Variants in SUPT3H observed in about 807,000 individuals in gnomAD.
The protein encoded by SUPT3H is SPT3 homolog, SAGA and STAGA complex component, also known as transcription initiation protein SPT3 homolog.
A neutral mutation model predicts 44.3 loss-of-function variants in SUPT3H; 44 were observed. The ratio of observed to expected loss-of-function variants is 0.99; its 90% confidence interval spans 0.78 to 1.28. SUPT3H has a LOEUF of 1.28. Ranked by LOEUF, SUPT3H falls within the 50% of genes most tolerant of loss-of-function variation. The pLI is 0.00. For missense variants in SUPT3H, 380 were observed against 387.1 expected, an observed-to-expected ratio of 0.98 and a Z score of 0.15; for synonymous variants, 124 against 125.6, an observed-to-expected ratio of 0.99 and a Z score of 0.09.
At chr6:45,345,392 C>T (rs1218233239) in intron 2 of SUPT3H, among the ~76,000 whole-genome samples, 3 of 152,100 alleles carry the variant, frequency 2.0e-5, no homozygotes, top group Non-Finnish European at 4.4e-5. Context: ...TTTTGTATCT[C>T]TATTCCTTTC....
At chr6:44,941,076 T>C (rs150577649) in intron 9 of SUPT3H, among the ~76,000 whole-genome samples, 2 of 152,296 alleles carry the variant, frequency 1.3e-5, no homozygotes, top group East Asian at 1.9e-4. Flanking sequence ...TTAATATTGA[T>C]AAGTGAGGTT....
chr6:45,018,609 T>G (rs1784655092), intron 4 of SUPT3H, among the ~76,000 whole-genome samples: 1 of 151,960 alleles, frequency 6.6e-6, no homozygotes, highest in African/African-American at 2.4e-5. Flanking sequence ...GATAATCATG[T>G]GGTTTTTGTC....
At position 45,151,396 on chromosome 6, in the gene SUPT3H, C is replaced by T. The variant is rs1197494629; in HGVS notation, c.102-45390G>A. Among the ~76,000 whole-genome samples the T allele has an allele frequency of 2.0e-5, 3 of 152,150 alleles. No homozygotes were observed. In the East Asian group the frequency reaches 5.8e-4, roughly 29 times the overall value. The stretch of plus-strand genomic sequence containing the variant: ...TTCAAAAAGATTGAAAGCCCATATA[C>T]CACCATATATAGCACTCATATTGAC... On this transcript the variant is annotated intron_variant, in intron 2 of 10. Coordinates refer to ENST00000371459, the MANE Select transcript of SUPT3H (RefSeq NM_003599.4).
At chr6:45,182,322 G>A (rs562601061) in intron 2 of SUPT3H, among the ~76,000 whole-genome samples, 1 of 152,090 alleles carries the variant, frequency 6.6e-6, no homozygotes, top group African/African-American at 2.4e-5. Context: ...GTGTAGTGGC[G>A]CAATCTCGAC....
At chr6:45,283,345 C>T (rs1156481082) in intron 2 of SUPT3H, among the ~76,000 whole-genome samples, 1 of 152,132 alleles carries the variant, frequency 6.6e-6, no homozygotes, top group Non-Finnish European at 1.5e-5. Context: ...AAACCCACCT[C>T]ACGTGCAGAG....
In SUPT3H at chr6:45,069,661, T is replaced by C. The variant is rs149130455; in HGVS notation, c.186+36261A>G. Among the ~76,000 whole-genome samples, 585 of 152,272 alleles carry C rather than the reference T, an allele frequency of 3.8e-3. 3 individuals carry two copies. The highest frequency in any genetic ancestry group is 6.5e-3 in the Non-Finnish European group (440 of 68,026). On this transcript the variant is annotated intron_variant, in intron 3 of 10. Transcript: ENST00000371459. The stretch of plus-strand genomic sequence containing the variant: ...TAAAAGATTAACTGCTTAAGCATTA[T>C]ACTAAAAATAATCTGAAATATATGA...
At chr6:45,125,354 T>C (rs758678943) in intron 2 of SUPT3H, among the ~76,000 whole-genome samples, 18 of 152,228 alleles carry the variant, frequency 1.2e-4, no homozygotes, top group Non-Finnish European at 2.5e-4. Flanking sequence ...CTATGCATGA[T>C]ATGACTACCA....
intron 10 of SUPT3H, among the ~76,000 whole-genome samples, chr6:44,913,381 G>A (rs528683676): frequency 6.6e-6 from 1 of 152,258 alleles, no homozygotes; most frequent in East Asian, 1.9e-4. Context: ...AACATGTGAA[G>A]CCCCATCTTC....
chr6:44,967,893 G>C (rs1404444919), intron 6 of SUPT3H, among the ~76,000 whole-genome samples: 2 of 152,050 alleles, frequency 1.3e-5, no homozygotes, highest in Non-Finnish European at 2.9e-5. Context: ...CAGTTTAAGT[G>C]AGCCTCCTGC....
chr6:44,911,144 C>T (rs1385261800), intron 10 of SUPT3H, among the ~76,000 whole-genome samples: 2 of 151,440 alleles, frequency 1.3e-5, no homozygotes, highest in African/African-American at 4.9e-5. Flanking sequence ...TATCAAGTAA[C>T]TATTGATAGC....
chr6:44,917,040 G>A (rs144889069), intron 10 of SUPT3H, among the ~76,000 whole-genome samples: 71 of 152,224 alleles, frequency 4.7e-4, no homozygotes, highest in African/African-American at 1.7e-3. Flanking sequence ...TGTAGTCCCA[G>A]CTATTTGGGA....
At chr6:44,933,474 A>C (rs1770918383) in intron 9 of SUPT3H, among the ~76,000 whole-genome samples, 1 of 152,184 alleles carries the variant, frequency 6.6e-6, no homozygotes, top group Non-Finnish European at 1.5e-5. Context: ...TTATAGGGCT[A>C]GGGTTTAGCC....
chr6:45,372,448 G>C lies in SUPT3H; in HGVS notation c.-1+5320C>G, dbSNP rs147645392. Among the ~76,000 whole-genome samples, 67 of 152,174 alleles carry C rather than the reference G, an allele frequency of 4.4e-4. 1 individual carries two copies. The East Asian group carries it at 0.013, about 29-fold the overall frequency. On this transcript the variant is annotated intron_variant, in intron 1 of 10. Transcript: ENST00000371459. ...TTATGACTAAGAGTAGACCTTTAAA[G>C]ACTAATATGAATAAAGTGAAATATA...
intron 2 of SUPT3H, among the ~76,000 whole-genome samples, chr6:45,263,574 C>T (rs1014586266): frequency 2.6e-5 from 4 of 152,050 alleles, no homozygotes; most frequent in African/African-American, 9.7e-5. Flanking sequence ...TACACCAAAC[C>T]TCAGTAACAT....
At chr6:45,007,944 T>C (rs1782953510) in intron 5 of SUPT3H, among the ~76,000 whole-genome samples, 1 of 152,184 alleles carries the variant, frequency 6.6e-6, no homozygotes, top group Admixed American at 6.6e-5. Context: ...TATCTGGTCT[T>C]TGTGATTGGT....
intron 10 of SUPT3H, among the ~76,000 whole-genome samples, chr6:44,902,929 T>G (rs1765339779): frequency 6.6e-6 from 1 of 152,160 alleles, no homozygotes; most frequent in Non-Finnish European, 1.5e-5. Flanking sequence ...CCTGAATGAC[T>G]ACTGGGTACA....
intron 10 of SUPT3H, among the ~76,000 whole-genome samples, chr6:44,909,915 G>A (rs1381946933): frequency 6.6e-6 from 1 of 152,240 alleles, no homozygotes; most frequent in African/African-American, 2.4e-5. Flanking sequence ...TGAATACAGT[G>A]AAATGAGAAC....
At chr6:44,816,904 AC>A (rs143941690) in intron 11 of SUPT3H, among the ~76,000 whole-genome samples, 9,989 of 95,378 alleles carry the variant, frequency 0.1, 1,082 homozygotes, top group African/African-American at 0.27. Flanking sequence ...TAAAACAACA[AC>A]AAAAAAAATG....
chr6:44,911,071 AT>A (rs1766966097), intron 10 of SUPT3H, among the ~76,000 whole-genome samples: 1 of 143,862 alleles, frequency 7.0e-6, no homozygotes, highest in African/African-American at 2.5e-5. Flanking sequence ...ATTGTTTTTG[AT>A]GAGTTTTTTT....
Sources: gnomAD v4.1 joint callset for allele counts (sites outside exome capture counted in the v4.1 genomes callset) on GRCh38, gnomAD v4.1.1 for gene constraint, MANE v1.5 for transcripts, NCBI Gene and HGNC (gene_info 2026-07-23, HGNC 2026-07-21) for gene names.